The following DLGAP2 variants were observed in gnomAD, a reference collection of about 807,000 sequenced individuals.
DLGAP2 encodes DLG associated protein 2, also known as disks large-associated protein 2.
Under a neutral mutation model 100.3 loss-of-function variants are expected in DLGAP2, and 26 were observed. That is an observed-to-expected ratio of 0.26 (90% CI 0.19 to 0.36). The LOEUF (loss-of-function observed/expected upper bound fraction) is 0.36. Ranked by LOEUF, DLGAP2 falls within the 10% of genes least tolerant of loss-of-function variation. The pLI is 1.00. For missense variants in DLGAP2, 1,858 were observed against 1,453.2 expected (o/e 1.28, Z -4.53); for synonymous variants, 886 against 630.1 (o/e 1.41, Z -6.08).
intron 3 of DLGAP2, among the ~76,000 whole-genome samples, chr8:1,422,835 G>C (rs1415467983): frequency 6.6e-6 from 1 of 152,176 alleles, no homozygotes; most frequent in Non-Finnish European, 1.5e-5. Context: ...AAATGTGAGA[G>C]CTGCTCAGGG....
At chr8:1,227,413 T>C (rs1274600327) in intron 2 of DLGAP2, among the ~76,000 whole-genome samples, 1 of 151,722 alleles carries the variant, frequency 6.6e-6, no homozygotes, top group Non-Finnish European at 1.5e-5. Context: ...TCTTTCTCCG[T>C]ACATTTACTT....
chr8:932,913 C>A (rs1184688474), intron 2 of DLGAP2, among the ~76,000 whole-genome samples: 1 of 152,196 alleles, frequency 6.6e-6, no homozygotes, highest in Non-Finnish European at 1.5e-5. Context: ...AACATAACTT[C>A]CCCCTTTCCC....
intron 3 of DLGAP2, among the ~76,000 whole-genome samples, chr8:1,419,577 A>T (rs1797035332): frequency 6.6e-6 from 1 of 152,154 alleles, no homozygotes; most frequent in South Asian, 2.1e-4. Context: ...TACATAATGT[A>T]TAAGGTGAGG....
At chr8:950,808 T>G (rs1488321276) in intron 2 of DLGAP2, among the ~76,000 whole-genome samples, 3 of 151,932 alleles carry the variant, frequency 2.0e-5, no homozygotes, top group African/African-American at 7.2e-5. Context: ...ATTTTTTTAG[T>G]AGAGATGGGG....
rs181836912 is a variant in DLGAP2 at position 1,342,358 on chromosome 8, C to T, written c.106+83475C>T. 9.2e-5 allele frequency among the ~76,000 whole-genome samples: 14 copies of T among 152,208 alleles called. No homozygotes were observed. In the East Asian group the frequency reaches 1.2e-3, roughly 13 times the overall value. On this transcript the variant is annotated intron_variant, in intron 3 of 14. Transcript: ENST00000637795. ...GCATTGCTGGGTCCCACAGATGATG[C>T]GTTTAATTTGTGATGTATGGCAGGT...
intron 1 of DLGAP2, among the ~76,000 whole-genome samples, chr8:850,059 T>TAAAA (rs369727619): frequency 7.7e-6 from 1 of 129,316 alleles, no homozygotes; most frequent in Admixed American, 7.5e-5. Flanking sequence ...GGAGACTGTC[T>TAAAA]AAAAAAAAAA....
chr8:804,906 A>T (rs1007318562), intron 1 of DLGAP2, among the ~76,000 whole-genome samples: 2 of 152,100 alleles, frequency 1.3e-5, no homozygotes. Context: ...CTGGGACTGC[A>T]GGTGTGCACC....
chr8:1,486,173 G>A (rs1345491730), intron 3 of DLGAP2, among the ~76,000 whole-genome samples: 1 of 152,168 alleles, frequency 6.6e-6, no homozygotes, highest in Non-Finnish European at 1.5e-5. Context: ...ACAGCATGAT[G>A]ACCATCCTAC....
chr8:1,282,576 A>G (rs1490070999), intron 3 of DLGAP2, among the ~76,000 whole-genome samples: 2 of 122,044 alleles, frequency 1.6e-5, no homozygotes, highest in Non-Finnish European at 3.5e-5. Flanking sequence ...CAGCACATGA[A>G]CCATCTGGAC....
intron 2 of DLGAP2, among the ~76,000 whole-genome samples, chr8:1,213,521 G>A (rs75160774): frequency 0.013 from 1,969 of 152,108 alleles, 44 homozygotes; most frequent in East Asian, 0.11. Context: ...TATATCACCC[G>A]TGTTTTAGTG....
chr8:1,587,729 T>C (rs537218271), intron 6 of DLGAP2, among the ~76,000 whole-genome samples: 1 of 152,342 alleles, frequency 6.6e-6, no homozygotes, highest in South Asian at 2.1e-4. Flanking sequence ...AAATTACTTT[T>C]TCAAATTTTT....
chr8:903,295 A>C (rs1798300397), intron 1 of DLGAP2, among the ~76,000 whole-genome samples: 1 of 152,004 alleles, frequency 6.6e-6, no homozygotes, highest in African/African-American at 2.4e-5. Flanking sequence ...AGGATAAGCG[A>C]GTTGTAGGCG....
At chr8:908,690 T>G (rs141924357) in intron 2 of DLGAP2, among the ~76,000 whole-genome samples, 11 of 152,352 alleles carry the variant, frequency 7.2e-5, no homozygotes, top group African/African-American at 2.6e-4. Context: ...GATTTCTGAT[T>G]TATTTTTATC....
At chr8:1,194,507 C>T (rs982044143) in intron 2 of DLGAP2, among the ~76,000 whole-genome samples, 2 of 152,104 alleles carry the variant, frequency 1.3e-5, no homozygotes, top group African/African-American at 4.8e-5. Flanking sequence ...CCCAGGGGTC[C>T]CTCTGGGTCA....
chr8:906,265 T>C (rs867935849), intron 1 of DLGAP2, among the ~76,000 whole-genome samples: 2 of 152,226 alleles, frequency 1.3e-5, no homozygotes, highest in Admixed American at 6.5e-5. Context: ...AAAAGTATTT[T>C]GTGGGCAACT....
At chr8:1,196,244 A>T (rs1198979414) in intron 2 of DLGAP2, among the ~76,000 whole-genome samples, 1 of 152,218 alleles carries the variant, frequency 6.6e-6, no homozygotes, top group Non-Finnish European at 1.5e-5. Context: ...GCCACGTTTC[A>T]CTGTGTGTGT....
intron 8 of DLGAP2, among the ~76,000 whole-genome samples, chr8:1,634,732 AC>A (rs1356612042): frequency 6.6e-6 from 1 of 152,210 alleles, no homozygotes; most frequent in Admixed American, 6.5e-5. Context: ...ATGCTTTGAA[AC>A]AATCATTACC....
At chr8:933,591 A>G (rs1799011707) in intron 2 of DLGAP2, among the ~76,000 whole-genome samples, 1 of 75,558 alleles carries the variant, frequency 1.3e-5, no homozygotes, top group Admixed American at 1.5e-4. Flanking sequence ...GGCCGTGGGC[A>G]CGAGGGGAGG....
At chr8:885,095 G>A (rs1333153738) in intron 1 of DLGAP2, among the ~76,000 whole-genome samples, 2 of 152,090 alleles carry the variant, frequency 1.3e-5, no homozygotes, top group Non-Finnish European at 2.9e-5. Context: ...TTTTTGCTTA[G>A]GATTGTCTTG....
Sources: gnomAD v4.1 joint callset for allele counts (sites outside exome capture counted in the v4.1 genomes callset) on GRCh38, gnomAD v4.1.1 for gene constraint, MANE v1.5 for transcripts, NCBI Gene and HGNC (gene_info 2026-07-23, HGNC 2026-07-21) for gene names.